ADGRB3: variants seen among roughly 807,000 people sequenced by gnomAD.
ADGRB3 encodes brain-specific angiogenesis inhibitor 3.
Under a neutral mutation model 193.4 loss-of-function variants are expected in ADGRB3, and 37 were observed. The ratio of observed to expected loss-of-function variants is 0.19; its 90% CI spans 0.15 to 0.25. The LOEUF (loss-of-function observed/expected upper bound fraction) is 0.25, where lower values mean the gene tolerates loss of function less well. Ranked by LOEUF, ADGRB3 falls within the 10% of genes least tolerant of loss-of-function variation. ADGRB3 has a pLI of 1.00. For synonymous variants in ADGRB3, 690 were observed against 644.2 expected (o/e 1.07, Z -1.08); for missense variants, 1,637 against 1,852.9 (o/e 0.88, Z 2.14).
chr6:68,959,909 G>T (rs1240989049), intron 8 of ADGRB3, among the ~76,000 whole-genome samples: 2 of 152,100 alleles, frequency 1.3e-5, no homozygotes, highest in Non-Finnish European at 2.9e-5. Context: ...GGCTTTGAAG[G>T]TTAAAATGGT....
intron 17 of ADGRB3, among the ~76,000 whole-genome samples, chr6:69,087,615 A>G (rs1320124464): frequency 6.6e-6 from 1 of 152,168 alleles, no homozygotes; most frequent in Non-Finnish European, 1.5e-5. Flanking sequence ...CCCACCATCC[A>G]ATAAATTTCT....
intron 24 of ADGRB3, among the ~76,000 whole-genome samples, chr6:69,333,646 T>C (rs566510174): frequency 6.6e-6 from 1 of 151,320 alleles, no homozygotes; most frequent in South Asian, 2.1e-4. Context: ...TGATGACATA[T>C]TATATATTAT....
At chr6:69,173,962 A>G (rs901517303) in intron 17 of ADGRB3, among the ~76,000 whole-genome samples, 1 of 152,264 alleles carries the variant, frequency 6.6e-6, no homozygotes, top group Admixed American at 6.5e-5. Flanking sequence ...CTCTTCATGT[A>G]GAAAATACTT....
chr6:69,183,292 T>A (rs1358206909), intron 17 of ADGRB3, among the ~76,000 whole-genome samples: 1 of 152,168 alleles, frequency 6.6e-6, no homozygotes, highest in East Asian at 1.9e-4. Flanking sequence ...CTATAAGTAC[T>A]TCAATGACTT....
intron 3 of ADGRB3, among the ~76,000 whole-genome samples, chr6:68,807,240 T>TC (rs1302945349): frequency 2.3e-4 from 29 of 126,852 alleles, no homozygotes; most frequent in Admixed American, 6.1e-4. Flanking sequence ...TTTTTCTTTT[T>TC]TTTTTTTTTT....
intron 3 of ADGRB3, among the ~76,000 whole-genome samples, chr6:68,751,882 C>T (rs977452834): frequency 6.6e-6 from 1 of 152,076 alleles, no homozygotes; most frequent in African/African-American, 2.4e-5. Context: ...ATAAGCCCTC[C>T]ATCTGTGTAA....
chr6:69,176,966 G>A (rs1002697923), intron 17 of ADGRB3, among the ~76,000 whole-genome samples: 11 of 152,138 alleles, frequency 7.2e-5, no homozygotes, highest in Admixed American at 3.3e-4. Flanking sequence ...CTGTGGAATT[G>A]GTTGTATAGT....
At chr6:69,224,491 T>C (rs1449126862) in intron 17 of ADGRB3, among the ~76,000 whole-genome samples, 2 of 152,150 alleles carry the variant, frequency 1.3e-5, no homozygotes, top group Non-Finnish European at 2.9e-5. Context: ...AATGAATTAT[T>C]TTATGGCTTT....
intron 20 of ADGRB3, among the ~76,000 whole-genome samples, chr6:69,279,755 C>T (rs1767392846): frequency 6.6e-6 from 1 of 151,984 alleles, no homozygotes; most frequent in Admixed American, 6.6e-5. Context: ...ATGAGAGATG[C>T]TAGGTTTGTC....
chr6:68,989,621 C>A (rs771359454), intron 10 of ADGRB3, among the ~76,000 whole-genome samples: 12 of 152,024 alleles, frequency 7.9e-5, no homozygotes, highest in Non-Finnish European at 1.8e-4. Flanking sequence ...TTATTTTCTC[C>A]TTTTTACAGA....
chr6:69,232,920 C>T (rs952582653), intron 17 of ADGRB3: 8 of 481,694 alleles, frequency 1.7e-5, no homozygotes, highest in African/African-American at 1.6e-4. Context: ...CCTCTTTACA[C>T]CCTGAGTATT....
chr6:69,026,944 GTGTAGGAAATTACTATTCAC>G (rs1231388749), intron 13 of ADGRB3, among the ~76,000 whole-genome samples: 3 of 152,142 alleles, frequency 2.0e-5, no homozygotes, highest in Non-Finnish European at 4.4e-5. Context: ...GAGTGTGAGG[GTGTAGGAAATTACTATTCAC>G]TGTTGTAGAC....
intron 20 of ADGRB3, among the ~76,000 whole-genome samples, chr6:69,271,737 AAC>A (rs777185331): frequency 1.3e-5 from 2 of 151,722 alleles, no homozygotes; most frequent in East Asian, 1.9e-4. Flanking sequence ...AGTTCATGAA[AAC>A]ACACACACAC....
intron 20 of ADGRB3, among the ~76,000 whole-genome samples, chr6:69,252,950 A>C (rs1766655944): frequency 6.6e-6 from 1 of 151,982 alleles, no homozygotes. Flanking sequence ...CTATGTCTCG[A>C]ACAAAATTAA....
At chr6:69,128,100 G>A (rs1224115587) in intron 17 of ADGRB3, among the ~76,000 whole-genome samples, 1 of 152,108 alleles carries the variant, frequency 6.6e-6, no homozygotes, top group Non-Finnish European at 1.5e-5. Context: ...TTTGCAGTGA[G>A]AAATTGTAGA....
At chr6:69,020,637 T>A (rs1770236535) in intron 13 of ADGRB3, among the ~76,000 whole-genome samples, 1 of 151,990 alleles carries the variant, frequency 6.6e-6, no homozygotes, top group Non-Finnish European at 1.5e-5. Context: ...ATAGTGTGAT[T>A]GTTCTGCCTT....
chr6:68,994,026 A>C, intron 11 of ADGRB3, 64 bp downstream of exon 11: 1 of 1,524,838 alleles, frequency 6.6e-7, no homozygotes, highest in Non-Finnish European at 9.0e-7. Context: ...TGGTCCCACG[A>C]AGCCAGTGCA....
At chr6:68,844,986 T>G (rs1582248478) in intron 3 of ADGRB3, among the ~76,000 whole-genome samples, 3 of 151,420 alleles carry the variant, frequency 2.0e-5, no homozygotes, top group South Asian at 2.1e-4. Flanking sequence ...TAGTGGGAGG[T>G]GGGGAGGGAA....
At chr6:68,823,815 A>G (rs1184280659) in intron 3 of ADGRB3, among the ~76,000 whole-genome samples, 1 of 152,172 alleles carries the variant, frequency 6.6e-6, no homozygotes, top group Non-Finnish European at 1.5e-5. Context: ...TCTTCCTTCA[A>G]GTTAAAAGTG....
Sources: allele counts gnomAD v4.1 joint callset (sites outside exome capture counted in the v4.1 genomes callset), GRCh38; gene constraint gnomAD v4.1.1; transcripts MANE v1.5; gene names NCBI Gene and HGNC (gene_info 2026-07-23, HGNC 2026-07-21).